CPEB1: variants seen among roughly 807,000 people sequenced by gnomAD.
The protein encoded by CPEB1 is cytoplasmic polyadenylation element-binding protein 1.
A neutral mutation model predicts 65.8 loss-of-function variants in CPEB1; 7 were observed. The ratio of observed to expected loss-of-function variants is 0.11; its 90% CI spans 0.06 to 0.20. CPEB1 has a LOEUF of 0.20. Among genes scored for constraint, CPEB1 ranks in the 10% least tolerant of loss-of-function variants. The pLI is 1.00. For synonymous variants in CPEB1, 262 were observed against 260.0 expected, an observed-to-expected ratio of 1.01 and a Z score of -0.08; for missense variants, 551 against 712.2, an observed-to-expected ratio of 0.77 and a Z score of 2.58.
In CPEB1 at chr15:82,581,048, C is replaced by T. The variant is rs2041235546; in HGVS notation, c.272-9516G>A. Among the ~76,000 whole-genome samples the T allele has an allele frequency of 2.6e-5, 4 of 152,166 alleles. No individual in the cohort carries two copies. In the South Asian group the frequency reaches 8.3e-4, roughly 32 times the overall value. ...TAGAGATGGAAGTCTCCCCATGTTGCCCAGGCTGTTGCTGAACCTCTGGGC... is the reference window on the plus strand; with the variant it reads ...TAGAGATGGAAGTCTCCCCATGTTGTCCAGGCTGTTGCTGAACCTCTGGGC... On this transcript the variant is annotated intron_variant, in intron 3 of 12. Transcript: ENST00000684509.
At chr15:82,591,427 G>T (rs1225544648) in intron 3 of CPEB1, among the ~76,000 whole-genome samples, 3 of 152,070 alleles carry the variant, frequency 2.0e-5, no homozygotes, top group African/African-American at 7.2e-5. Context: ...ACCATGCCCA[G>T]CTAATTTTTG....
intron 1 of CPEB1, among the ~76,000 whole-genome samples, chr15:82,637,244 T>TG (rs2046734646): frequency 6.6e-6 from 1 of 152,236 alleles, no homozygotes; most frequent in South Asian, 2.1e-4. Context: ...CTAAAGGCTC[T>TG]GGACAGTTGG....
intron 3 of CPEB1, among the ~76,000 whole-genome samples, chr15:82,582,564 C>T (rs921249554): frequency 1.3e-5 from 2 of 152,096 alleles, no homozygotes; most frequent in African/African-American, 2.4e-5. Context: ...AATACAGGGA[C>T]TAACTGATCC....
intron 1 of CPEB1, chr15:82,637,940 T>C (rs762079972): frequency 4.5e-6 from 2 of 448,988 alleles, no homozygotes; most frequent in Non-Finnish European, 8.9e-6. Context: ...AAAAACCTAT[T>C]ACATATTAAC....
intron 3 of CPEB1, among the ~76,000 whole-genome samples, chr15:82,606,387 T>C (rs1041802111): frequency 1.3e-5 from 2 of 149,638 alleles, no homozygotes; most frequent in African/African-American, 4.9e-5. Flanking sequence ...GAGAACTGCT[T>C]GAACCCAGGA....
intron 3 of CPEB1, among the ~76,000 whole-genome samples, chr15:82,605,467 T>C (rs901230043): frequency 1.3e-5 from 2 of 152,134 alleles, no homozygotes; most frequent in Non-Finnish European, 2.9e-5. Flanking sequence ...AGCCATTGTA[T>C]AGAATGACGG....
At chr15:82,547,974 C>G (rs899730841) in intron 10 of CPEB1, among the ~76,000 whole-genome samples, 3 of 152,254 alleles carry the variant, frequency 2.0e-5, no homozygotes, top group Non-Finnish European at 2.9e-5. Flanking sequence ...ATGGTCAGCC[C>G]TTATGTAACT....
chr15:82,646,182 G>T (rs587761573), intron 1 of CPEB1, among the ~76,000 whole-genome samples: 1 of 152,286 alleles, frequency 6.6e-6, no homozygotes, highest in African/African-American at 2.4e-5. Flanking sequence ...GGGAACATGA[G>T]CCTCAGGGTG....
chr15:82,556,247 T>C (rs966595633), intron 5 of CPEB1, 125 bp from the exon 6 acceptor site: 1 of 1,134,964 alleles, frequency 8.8e-7, no homozygotes, highest in African/African-American at 1.6e-5. Flanking sequence ...TCTTTTAGAC[T>C]TTCTTCCTGA....
At chr15:82,557,631 C>A in intron 5 of CPEB1, 129 bp downstream of exon 5, 1 of 736,734 alleles carries the variant, frequency 1.4e-6, no homozygotes, top group South Asian at 1.7e-5. Flanking sequence ...ATCTCCACTC[C>A]TCCCCTCATC....
upstream of CPEB1, chr15:82,647,972 G>GCCCCGCAC (rs1567248321): frequency 1.1e-6 from 1 of 935,050 alleles, no homozygotes; most frequent in Non-Finnish European, 1.4e-6. Flanking sequence ...GCCGCGCGCA[G>GCCCCGCAC]CCCCGCACCC....
At chr15:82,589,553 G>A (rs540538725) in intron 3 of CPEB1, among the ~76,000 whole-genome samples, 99 of 152,142 alleles carry the variant, frequency 6.5e-4, no homozygotes, top group African/African-American at 2.2e-3. Context: ...GGACCAGCCC[G>A]GCCAACATGG....
chr15:82,584,902 G>GTTTTTTTT (rs1491170341), intron 3 of CPEB1, among the ~76,000 whole-genome samples: 1 of 22,774 alleles, frequency 4.4e-5, no homozygotes, highest in African/African-American at 3.3e-4. Context: ...TTCCTAATTT[G>GTTTTTTTT]CTTTTTTTTT....
At chr15:82,569,903 C>T (rs1247501088) in intron 4 of CPEB1, among the ~76,000 whole-genome samples, 1 of 152,066 alleles carries the variant, frequency 6.6e-6, no homozygotes, top group East Asian at 1.9e-4. Flanking sequence ...CTTCATAGGC[C>T]CCCAAGGTTG....
At chr15:82,549,684 G>C (rs1051337202) in intron 9 of CPEB1, 26 bp from the exon 10 acceptor site, 1 of 1,609,000 alleles carries the variant, frequency 6.2e-7, no homozygotes, top group Non-Finnish European at 8.5e-7. Context: ...AGGTGTATCA[G>C]CCCTGGCAGA....
At chr15:82,559,738 C>T (rs1354498038) in intron 4 of CPEB1, among the ~76,000 whole-genome samples, 4 of 152,210 alleles carry the variant, frequency 2.6e-5, no homozygotes, top group African/African-American at 7.2e-5. Flanking sequence ...AACTAAGTGT[C>T]TCAAAATGCT....
chr15:82,601,220 A>C (rs1461058259), intron 3 of CPEB1, among the ~76,000 whole-genome samples: 2 of 136,210 alleles, frequency 1.5e-5, no homozygotes, highest in Non-Finnish European at 3.1e-5. Flanking sequence ...ACAACTTGTC[A>C]CTTCTAATGT....
chr15:82,647,725 G>A (rs1232430035), upstream of CPEB1: 2 of 811,926 alleles, frequency 2.5e-6, no homozygotes, highest in Non-Finnish European at 3.2e-6. Context: ...ACGTGACCGC[G>A]CCCCGCCCGG....
At chr15:82,577,373 T>C (rs1485894266) in intron 3 of CPEB1, among the ~76,000 whole-genome samples, 8 of 152,100 alleles carry the variant, frequency 5.3e-5, no homozygotes, top group Non-Finnish European at 8.8e-5. Context: ...AGGTGTATTT[T>C]TAAACTAACT....
Sources: allele counts gnomAD v4.1 joint callset (sites outside exome capture counted in the v4.1 genomes callset), GRCh38; gene constraint gnomAD v4.1.1; transcripts MANE v1.5; gene names NCBI Gene and HGNC (gene_info 2026-07-23, HGNC 2026-07-21).